MTA3: variants seen among roughly 807,000 people sequenced by gnomAD.
The protein encoded by MTA3 is metastasis associated 1 family member 3, also known as metastasis-associated protein MTA3.
A neutral mutation model predicts 83.5 loss-of-function variants in MTA3; 34 were observed. That is an observed-to-expected ratio of 0.41 (90% CI 0.31 to 0.54). The LOEUF (loss-of-function observed/expected upper bound fraction) is 0.54, where lower values mean the gene tolerates loss of function less well. Among genes scored for constraint, MTA3 ranks in the 20% least tolerant of loss-of-function variants. The probability of loss-of-function intolerance (pLI) is 0.33; values close to 1 mark genes in which losing one functional copy is unlikely to be tolerated. For missense variants in MTA3, 761 were observed against 726.4 expected (o/e 1.05, Z -0.55); for synonymous variants, 303 against 252.7 (o/e 1.20, Z -1.89).
chr2:42,734,984 A>G (rs191294569), intron 16 of MTA3, among the ~76,000 whole-genome samples: 3 of 152,332 alleles, frequency 2.0e-5, no homozygotes, highest in East Asian at 1.9e-4. Context: ...TCTAGTCAAG[A>G]TATGAGTAGT....
chr2:42,659,981 A>G (rs1039877218), intron 8 of MTA3, 119 bp downstream of exon 8: 2 of 556,722 alleles, frequency 3.6e-6, no homozygotes, highest in African/African-American at 2.0e-5. Context: ...CCTGACTGCT[A>G]GGTTGATTTG....
At chr2:42,743,909 G>A (rs982786440) in intron 16 of MTA3, among the ~76,000 whole-genome samples, 24 of 152,188 alleles carry the variant, frequency 1.6e-4, no homozygotes, top group Admixed American at 7.9e-4. Context: ...GCTGCCTTCT[G>A]TCAAAAACTC....
At chr2:42,579,941 A>G (rs1156841953) in intron 3 of MTA3, among the ~76,000 whole-genome samples, 4 of 151,372 alleles carry the variant, frequency 2.6e-5, no homozygotes, top group African/African-American at 9.7e-5. Flanking sequence ...ACTGAATAAT[A>G]CTTAGTTTTT....
intron 3 of MTA3, among the ~76,000 whole-genome samples, chr2:42,605,101 C>A (rs1026442595): frequency 6.6e-6 from 1 of 151,008 alleles, no homozygotes; most frequent in African/African-American, 2.4e-5. Context: ...CTGTTGGGTA[C>A]ACCTCCCAGA....
At chr2:42,695,707 T>A (rs1442371413) in intron 9 of MTA3, 58 bp from the exon 10 acceptor site, 1 of 1,028,464 alleles carries the variant, frequency 9.7e-7, no homozygotes, top group East Asian at 2.8e-5. Flanking sequence ...GTAGCTTATT[T>A]TCATCTCATT....
rs532567803 is a variant in MTA3 at position 42,538,774 on chromosome 2, T to G, written c.-140-31663T>G. Among the ~76,000 whole-genome samples the G allele has an allele frequency of 4.3e-3, 504 of 116,950 alleles. 13 individuals are homozygous for G. The highest frequency in any genetic ancestry group is 0.016 in the African/African-American group (473 of 29,268). The allele number at this position is 116,950 out of a possible 152,430, so 76.7% of individuals were successfully genotyped here. On this transcript the variant is annotated intron_variant, in intron 2 of 17. Coordinates refer to the MTA3 transcript ENST00000405592. ...GAAAAAAATGTTTTTTTTGTTTTTT[T>G]TTGTTTTTTTTGAGACGGAGTCTCG... is the stretch of plus-strand genomic sequence containing the variant.
chr2:42,724,016 A>T (rs1667622356), intron 16 of MTA3, among the ~76,000 whole-genome samples: 1 of 152,174 alleles, frequency 6.6e-6, no homozygotes, highest in Non-Finnish European at 1.5e-5. Context: ...TCAAGAATTT[A>T]GCTACCCAGA....
At chr2:42,522,160 G>T (rs1296400815) in intron 2 of MTA3, among the ~76,000 whole-genome samples, 1 of 152,166 alleles carries the variant, frequency 6.6e-6, no homozygotes, top group Admixed American at 6.5e-5. Context: ...AGCCTCAGTA[G>T]TCTTCCTAGT....
intron 2 of MTA3, among the ~76,000 whole-genome samples, chr2:42,523,647 G>A (rs1324615483): frequency 6.6e-6 from 1 of 152,092 alleles, no homozygotes; most frequent in Non-Finnish European, 1.5e-5. Flanking sequence ...GTGCAGTGGC[G>A]CATGCTTGTA....
chr2:42,605,179 A>C (rs1573207872), intron 3 of MTA3, among the ~76,000 whole-genome samples: 2 of 135,222 alleles, frequency 1.5e-5, no homozygotes, highest in African/African-American at 5.6e-5. Context: ...GGCGCCCCTC[A>C]CCTCCCGGAC....
At chr2:42,741,524 G>A (rs1045056315) in intron 16 of MTA3, among the ~76,000 whole-genome samples, 9 of 151,978 alleles carry the variant, frequency 5.9e-5, no homozygotes, top group South Asian at 2.1e-4. Context: ...CCTTCTTTTC[G>A]CTTCAACACT....
At chr2:42,603,666 T>C (rs1307106085) in intron 3 of MTA3, among the ~76,000 whole-genome samples, 2 of 152,252 alleles carry the variant, frequency 1.3e-5, no homozygotes, top group Admixed American at 6.5e-5. Flanking sequence ...TCATTTAATA[T>C]GTACTTTAAG....
intron 3 of MTA3, among the ~76,000 whole-genome samples, chr2:42,593,395 A>G (rs1332618234): frequency 2.0e-5 from 3 of 152,154 alleles, no homozygotes; most frequent in African/African-American, 7.2e-5. Context: ...AATCAGTAAC[A>G]TAGTCATTAT....
chr2:42,720,424 G>T (rs992436835), intron 15 of MTA3, among the ~76,000 whole-genome samples: 2 of 151,970 alleles, frequency 1.3e-5, no homozygotes, highest in Non-Finnish European at 2.9e-5. Flanking sequence ...CTCATGATCC[G>T]CCCACCTCGG....
chr2:42,497,413 C>T (rs532437115), intron 2 of MTA3, among the ~76,000 whole-genome samples: 12 of 151,780 alleles, frequency 7.9e-5, no homozygotes, highest in South Asian at 6.2e-4. Context: ...GGTGAAACCC[C>T]GTCCCTACTA....
At chr2:42,598,796 C>T (rs1682170055) in intron 3 of MTA3, among the ~76,000 whole-genome samples, 1 of 152,138 alleles carries the variant, frequency 6.6e-6, no homozygotes, top group Non-Finnish European at 1.5e-5. Context: ...ATAAAAGCCC[C>T]TACAAATCAT....
chr2:42,752,722 G>A (rs997216119), intron 16 of MTA3, among the ~76,000 whole-genome samples: 1 of 152,090 alleles, frequency 6.6e-6, no homozygotes, highest in African/African-American at 2.4e-5. Flanking sequence ...CCAGCCAACT[G>A]TGTTCCCTAT....
At chr2:42,675,976 TCCTAGTAACTC>T in intron 8 of MTA3, among the ~76,000 whole-genome samples, 1 of 152,338 alleles carries the variant, frequency 6.6e-6, no homozygotes, top group South Asian at 2.1e-4. Context: ...AGGAATTATT[TCCTAGTAACTC>T]CACAGTGTAC....
Position 42,682,519 on chromosome 2 carries a change from C to G in MTA3, c.821C>G (p.Ser274Cys), listed in dbSNP as rs758671280. The G allele has an allele frequency of 6.2e-7, 1 of 1,612,708 alleles. No individual in the cohort carries two copies. Among genetic ancestry groups the G allele is most frequent in the Non-Finnish European group, 8.5e-7 (1 of 1,179,374 alleles). The change falls in exon 9 of 17, where the codon TCT (serine) becomes TGT (cysteine). Residue 274 changes from serine (S) to cysteine (C), a missense_variant. Transcript: ENST00000405094. ...GATGAAATGGAGGAATGGTCAGCCTCTGAAGCTAGCTTATTTGAAGAGGCA... is the reference window on the plus strand; with the variant it reads ...GATGAAATGGAGGAATGGTCAGCCTGTGAAGCTAGCTTATTTGAAGAGGCA... ...CRDEMEEWSA[S>C]EASLFEEALE...
Sources: gnomAD v4.1 joint callset for allele counts (sites outside exome capture counted in the v4.1 genomes callset) on GRCh38, gnomAD v4.1.1 for gene constraint, MANE v1.5 for transcripts, NCBI Gene and HGNC (gene_info 2026-07-23, HGNC 2026-07-21) for gene names.